The following ME1 variants were observed in gnomAD, a reference collection of about 807,000 sequenced individuals.
ME1 encodes the protein NADP-dependent malic enzyme.
Under a neutral mutation model 66.4 loss-of-function variants are expected in ME1, and 74 were observed. That is an observed-to-expected ratio of 1.11 (90% CI 0.92 to 1.35). The LOEUF is 1.35. Among genes scored for constraint, ME1 ranks in the 40% most tolerant of loss-of-function variants. The pLI, the probability that ME1 is intolerant of heterozygous loss-of-function variation, is 0.00. For missense variants in ME1, 750 were observed against 694.1 expected (o/e 1.08, Z -0.90); for synonymous variants, 251 against 235.6 (o/e 1.07, Z -0.60).
intron 5 of ME1, among the ~76,000 whole-genome samples, chr6:83,318,480 A>T (rs1490956901): frequency 8.8e-6 from 1 of 113,392 alleles, no homozygotes. Context: ...ACCCCATCAA[A>T]AAGTGGGCGA....
At chr6:83,302,820 T>C (rs952049487) in intron 6 of ME1, among the ~76,000 whole-genome samples, 2 of 151,594 alleles carry the variant, frequency 1.3e-5, no homozygotes, top group Non-Finnish European at 2.9e-5. Context: ...CACGGAGGGG[T>C]GGAGGATGGC....
At chr6:83,263,114 A>G (rs1412262244) in intron 6 of ME1, among the ~76,000 whole-genome samples, 1 of 152,166 alleles carries the variant, frequency 6.6e-6, no homozygotes, top group Non-Finnish European at 1.5e-5. Flanking sequence ...TATATGTGTT[A>G]TGATGACCTG....
intron 3 of ME1, among the ~76,000 whole-genome samples, chr6:83,362,895 T>C (rs753728160): frequency 2.6e-5 from 4 of 152,224 alleles, no homozygotes; most frequent in Non-Finnish European, 4.4e-5. Context: ...GGGCTCATGC[T>C]CATGGAATTC....
chr6:83,317,187 T>G (rs1010482710), intron 5 of ME1, among the ~76,000 whole-genome samples: 1 of 152,166 alleles, frequency 6.6e-6, no homozygotes, highest in African/African-American at 2.4e-5. Context: ...AAGATGTGCA[T>G]AGCAAAATAA....
intron 3 of ME1, among the ~76,000 whole-genome samples, chr6:83,355,519 C>G (rs1380587473): frequency 6.6e-6 from 1 of 152,080 alleles, no homozygotes; most frequent in East Asian, 1.9e-4. Context: ...ATTTGGCCAC[C>G]TGTAATCTCT....
At chr6:83,340,612 C>A (rs1348978349) in intron 5 of ME1, among the ~76,000 whole-genome samples, 1 of 151,724 alleles carries the variant, frequency 6.6e-6, no homozygotes, top group African/African-American at 2.4e-5. Flanking sequence ...ACAGAAACAC[C>A]ACTAGTAAGT....
chr6:83,404,007 T>C (rs1769886504), intron 2 of ME1, among the ~76,000 whole-genome samples: 1 of 152,194 alleles, frequency 6.6e-6, no homozygotes, highest in Non-Finnish European at 1.5e-5. Flanking sequence ...TATAATTCTT[T>C]GGGTATATAA....
intron 6 of ME1, among the ~76,000 whole-genome samples, chr6:83,282,557 G>C (rs1767318270): frequency 6.6e-6 from 1 of 152,180 alleles, no homozygotes; most frequent in African/African-American, 2.4e-5. Flanking sequence ...AAACCACAAT[G>C]AGATATCATC....
In ME1 at chr6:83,248,572, C is replaced by T. The variant is rs565378367; in HGVS notation, c.814+5057G>A. On this transcript the variant is annotated intron_variant, in intron 7 of 13. Coordinates refer to ENST00000369705, the MANE Select transcript of ME1 (RefSeq NM_002395.6). ...TTGAGGGAGGGACCTGTAGTTCCCA[C>T]GTGTTGAGGGAGGGAGGTAATTGGA... is the stretch of plus-strand genomic sequence containing the variant. 4.6e-5 allele frequency among the ~76,000 whole-genome samples: 7 copies of T among 152,072 alleles called. No homozygotes were observed. The East Asian group carries it at 1.2e-3, about 25-fold the overall frequency.
chr6:83,247,428 ATTAT>A (rs767375733), intron 7 of ME1, among the ~76,000 whole-genome samples: 1 of 152,072 alleles, frequency 6.6e-6, no homozygotes, highest in Non-Finnish European at 1.5e-5. Flanking sequence ...CAAAATCTAT[ATTAT>A]TTAAGGTTAT....
Position 83,346,329 on chromosome 6 carries a change from A to G in ME1, c.444T>C (p.Ile148=), listed in dbSNP as rs1469939107. The G allele has an allele frequency of 5.7e-6, 9 of 1,580,226 alleles. No homozygotes were observed. Among genetic ancestry groups the G allele is most frequent in the Non-Finnish European group, 7.7e-6 (9 of 1,164,868 alleles). ...GAATACGCTCTCCATCAGTCACCAC[A>G]ATGGCCTGGAAGAAAAAGAAAAATT... ...NAWPEDVIKA[I]VVTDGERILG... Residue 148 remains isoleucine (I), a synonymous_variant, in exon 5 of 14, where the codon ATT becomes ATC. Transcript: ENST00000369705.
At chr6:83,248,391 G>A (rs140331577) in intron 7 of ME1, among the ~76,000 whole-genome samples, 1 of 152,268 alleles carries the variant, frequency 6.6e-6, no homozygotes, top group African/African-American at 2.4e-5. Context: ...GAATTGACAA[G>A]TGACTTAAAA....
At chr6:83,421,031 G>GA (rs1770255627) in intron 1 of ME1, among the ~76,000 whole-genome samples, 1 of 152,050 alleles carries the variant, frequency 6.6e-6, no homozygotes, top group Non-Finnish European at 1.5e-5. Flanking sequence ...GGGAGGGGGG[G>GA]CCCAAAGCCA....
chr6:83,354,958 C>G (rs1463758870), intron 3 of ME1, among the ~76,000 whole-genome samples: 2 of 152,108 alleles, frequency 1.3e-5, no homozygotes, highest in Non-Finnish European at 2.9e-5. Context: ...TACGTCAGTG[C>G]TATAGGAAGA....
At chr6:83,267,960 ATTC>A (rs1767016689) in intron 6 of ME1, among the ~76,000 whole-genome samples, 2 of 152,196 alleles carry the variant, frequency 1.3e-5, no homozygotes, top group Non-Finnish European at 2.9e-5. Context: ...CAAGTGTCAC[ATTC>A]TTCTTTTTTT....
chr6:83,392,755 G>C, intron 3 of ME1: 1 of 658,864 alleles, frequency 1.5e-6, no homozygotes, highest in Non-Finnish European at 2.8e-6. Context: ...TCACTTGGAG[G>C]GAGGAGCCAA....
At chr6:83,309,981 G>A (rs1458858212) in intron 6 of ME1, among the ~76,000 whole-genome samples, 1 of 152,102 alleles carries the variant, frequency 6.6e-6, no homozygotes, top group African/African-American at 2.4e-5. Context: ...ATACTCAGAT[G>A]TAGAATTACT....
chr6:83,399,388 T>G (rs1769802121), intron 2 of ME1, among the ~76,000 whole-genome samples: 1 of 152,220 alleles, frequency 6.6e-6, no homozygotes, highest in South Asian at 2.1e-4. Flanking sequence ...TAGCACAGTT[T>G]TATTTAATAC....
intron 1 of ME1, among the ~76,000 whole-genome samples, chr6:83,423,417 CAGAGTA>C (rs1300535854): frequency 6.6e-6 from 1 of 152,032 alleles, no homozygotes; most frequent in Non-Finnish European, 1.5e-5. Flanking sequence ...GGGAATGAAA[CAGAGTA>C]ACAGAAATAG....
Sources: gnomAD v4.1 joint callset for allele counts (sites outside exome capture counted in the v4.1 genomes callset) on GRCh38, gnomAD v4.1.1 for gene constraint, MANE v1.5 for transcripts, NCBI Gene and HGNC (gene_info 2026-07-23, HGNC 2026-07-21) for gene names.